DGKG: variants seen among roughly 807,000 people sequenced by gnomAD.
DGKG encodes DAG kinase gamma.
DGKG carries 78 observed loss-of-function variants against 105.3 expected under a neutral mutation model. The observed-to-expected ratio is 0.74, with a 90% confidence interval of 0.62 to 0.89. The LOEUF (loss-of-function observed/expected upper bound fraction) is 0.89, where lower values mean the gene tolerates loss of function less well. Ranked by LOEUF, DGKG falls within the 40% of genes least tolerant of loss-of-function variation. The probability of loss-of-function intolerance (pLI) is 0.00; values close to 1 mark genes in which losing one functional copy is unlikely to be tolerated. For synonymous variants in DGKG, 346 were observed against 367.1 expected, an observed-to-expected ratio of 0.94 and a Z score of 0.66; for missense variants, 958 against 1,020.1, an observed-to-expected ratio of 0.94 and a Z score of 0.83.
chr3:186,302,507 CATATGTGTATATATATATATAT>C (rs1195046138), intron 3 of DGKG, among the ~76,000 whole-genome samples: 406 of 11,450 alleles, frequency 0.035, 8 homozygotes, highest in Admixed American at 0.069. Context: ...TATATATATA[CATATGTGTATATATATATATAT>C]ATACATATGT....
intron 1 of DGKG, among the ~76,000 whole-genome samples, chr3:186,332,584 A>C (rs540071336): frequency 7.2e-4 from 109 of 152,318 alleles, no homozygotes; most frequent in African/African-American, 2.5e-3. Flanking sequence ...TTGGAATTAG[A>C]GACCAGAATT....
rs73180368 is a variant in DGKG at position 186,308,078 on chromosome 3, G to A, written c.68-1101C>T. On this transcript the variant is annotated intron_variant, in intron 2 of 24. Transcript: ENST00000265022. ...AGTTGAGGCCTCCACCCCCCGCCAT[G>A]ATTTCCCCTTAATGTTCCCTCTATG... is the stretch of plus-strand genomic sequence containing the variant. 9.3e-3 allele frequency among the ~76,000 whole-genome samples: 1,413 copies of A among 152,162 alleles called. 13 individuals carry two copies. The highest frequency in any genetic ancestry group is 0.014 in the Non-Finnish European group (927 of 68,006).
At chr3:186,206,149 G>A (rs961298627) in intron 21 of DGKG, among the ~76,000 whole-genome samples, 4 of 152,156 alleles carry the variant, frequency 2.6e-5, no homozygotes, top group African/African-American at 7.2e-5. Context: ...ACTTTGGGAC[G>A]CCGAGGCAGG....
rs1722986389 is a variant in DGKG, at chr3:186,284,779, G to C, written c.545-70C>G. 3.8e-6 allele frequency: 5 copies of C among 1,330,546 alleles called. No homozygotes were observed. The Admixed American group carries it at 8.5e-5, about 23-fold the overall frequency. 82.4% of individuals were successfully genotyped at this position (1,330,546 alleles called of 1,614,324 possible). A position where few individuals can be genotyped will look rare whatever the true frequency, so the allele number is the denominator to read the frequency against. ...CGCGGATGGCTGAAGTTTTGATGCTGCCAGGTTTTTAGATTAGTTCTGTCA... is the reference window on the plus strand; with the variant it reads ...CGCGGATGGCTGAAGTTTTGATGCTCCCAGGTTTTTAGATTAGTTCTGTCA... On this transcript the variant is annotated intron_variant, in intron 6 of 24. Coordinates refer to ENST00000265022, the MANE Select transcript of DGKG (RefSeq NM_001346.3). The surrounding 1 kb of genome is among the most constrained non-coding windows in gnomAD (Gnocchi z 4.0).
chr3:186,197,133 G>T (rs771386611), intron 21 of DGKG, among the ~76,000 whole-genome samples: 4 of 152,112 alleles, frequency 2.6e-5, no homozygotes, highest in Non-Finnish European at 4.4e-5. Flanking sequence ...CTTTCTCAGC[G>T]AGTGAGAGAG....
intron 1 of DGKG, among the ~76,000 whole-genome samples, chr3:186,358,155 G>T (rs1358909423): frequency 6.6e-6 from 1 of 152,234 alleles, no homozygotes; most frequent in Non-Finnish European, 1.5e-5. Context: ...TTTAATTGTT[G>T]ACTATGGATT....
chr3:186,183,764 G>A (rs1427867238), intron 22 of DGKG, among the ~76,000 whole-genome samples: 1 of 151,738 alleles, frequency 6.6e-6, no homozygotes, highest in Non-Finnish European at 1.5e-5. Context: ...GAGTGCAGTG[G>A]TGCAATCTCA....
At chr3:186,293,552 C>T (rs893541368) in intron 5 of DGKG, among the ~76,000 whole-genome samples, 1 of 152,198 alleles carries the variant, frequency 6.6e-6, no homozygotes, top group Non-Finnish European at 1.5e-5. Context: ...CTCAGCCTTT[C>T]CTGAGCTGAC....
chr3:186,294,975 G>A (rs1723480440), intron 5 of DGKG, among the ~76,000 whole-genome samples: 1 of 152,134 alleles, frequency 6.6e-6, no homozygotes, highest in African/African-American at 2.4e-5. Flanking sequence ...TTATGATCCA[G>A]GGGTAACTGT....
At chr3:186,233,097 G>A (rs962437552) in intron 20 of DGKG, among the ~76,000 whole-genome samples, 2 of 152,174 alleles carry the variant, frequency 1.3e-5, no homozygotes, top group Non-Finnish European at 2.9e-5. Flanking sequence ...GTTAGGTTAC[G>A]TGGCAAAGGG....
chr3:186,333,475 A>T (rs932925120), intron 1 of DGKG, among the ~76,000 whole-genome samples: 2 of 152,204 alleles, frequency 1.3e-5, no homozygotes, highest in Non-Finnish European at 2.9e-5. Context: ...CATGACTGCC[A>T]GAAAACTGTC....
At chr3:186,335,385 G>A (rs1311966166) in intron 1 of DGKG, among the ~76,000 whole-genome samples, 2 of 152,130 alleles carry the variant, frequency 1.3e-5, no homozygotes, top group African/African-American at 4.8e-5. Flanking sequence ...TAATTGTGGT[G>A]AGTGAAATAA....
intron 22 of DGKG, among the ~76,000 whole-genome samples, chr3:186,187,182 G>A (rs1717682083): frequency 6.6e-6 from 1 of 152,360 alleles, no homozygotes; most frequent in Middle Eastern, 3.4e-3. Context: ...CTCTGATGTG[G>A]TGGTGAGAAC....
At chr3:186,310,137 C>T (rs986722562) in intron 2 of DGKG, among the ~76,000 whole-genome samples, 3 of 150,898 alleles carry the variant, frequency 2.0e-5, no homozygotes, top group Non-Finnish European at 3.0e-5. Context: ...CGTGGTGGCA[C>T]GTGCCTGTAA....
intron 10 of DGKG, among the ~76,000 whole-genome samples, chr3:186,274,472 TG>T (rs1448816997): frequency 1.3e-5 from 2 of 152,102 alleles, no homozygotes; most frequent in Non-Finnish European, 2.9e-5. Context: ...TATGCCATGT[TG>T]GTGTGCTACA....
At chr3:186,196,358 C>T (rs1462234432) in intron 21 of DGKG, among the ~76,000 whole-genome samples, 4 of 152,120 alleles carry the variant, frequency 2.6e-5, no homozygotes, top group East Asian at 1.9e-4. Context: ...AGGCTGGTCT[C>T]GAACTCCTGA....
At chr3:186,292,456 A>T (rs1336117131) in intron 5 of DGKG, among the ~76,000 whole-genome samples, 4 of 152,344 alleles carry the variant, frequency 2.6e-5, no homozygotes, top group African/African-American at 9.6e-5. Context: ...GTCTTGAATT[A>T]CAGAAATCAT....
chr3:186,273,933 G>A (rs1722454796), intron 10 of DGKG, among the ~76,000 whole-genome samples: 1 of 152,162 alleles, frequency 6.6e-6, no homozygotes, highest in African/African-American at 2.4e-5. Context: ...TCTGGTGCCT[G>A]CCATGCCTTC....
At chr3:186,339,361 C>T (rs1019179209) in intron 1 of DGKG, among the ~76,000 whole-genome samples, 3 of 151,958 alleles carry the variant, frequency 2.0e-5, no homozygotes, top group Admixed American at 6.5e-5. Flanking sequence ...GCTCAGACAG[C>T]GATGATGTTG....
Sources: allele counts gnomAD v4.1 joint callset (sites outside exome capture counted in the v4.1 genomes callset), GRCh38; gene constraint gnomAD v4.1.1; non-coding constraint Gnocchi (gnomAD v3.1); transcripts MANE v1.5; gene names NCBI Gene and HGNC (gene_info 2026-07-23, HGNC 2026-07-21).